The following C2CD2 variants were observed in gnomAD, a reference collection of about 807,000 sequenced individuals.
The protein encoded by C2CD2 is C2 domain-containing protein 2.
C2CD2 carries 43 observed loss-of-function variants against 74.3 expected under a neutral mutation model. The observed-to-expected ratio is 0.58, with a 90% confidence interval of 0.45 to 0.75. The LOEUF is 0.75. Among genes scored for constraint, C2CD2 ranks in the 30% least tolerant of loss-of-function variants. C2CD2 has a pLI of 0.00. For missense variants in C2CD2, 801 were observed against 916.3 expected (o/e 0.87, Z 1.63); for synonymous variants, 422 against 390.7 (o/e 1.08, Z -0.94).
chr21:41,941,536 C>T (rs905532372), intron 2 of C2CD2, among the ~76,000 whole-genome samples: 1 of 152,146 alleles, frequency 6.6e-6, no homozygotes. Flanking sequence ...AATATATGTA[C>T]ATAAATCTAG....
intron 7 of C2CD2, 92 bp from the exon 8 acceptor site, chr21:41,909,615 G>T: frequency 1.1e-6 from 1 of 900,606 alleles, no homozygotes; most frequent in Non-Finnish European, 1.9e-6. Flanking sequence ...TAGAAAGGAA[G>T]ACAAAGATGT....
chr21:41,934,505 C>G (rs1231815387), intron 2 of C2CD2, among the ~76,000 whole-genome samples: 1 of 152,220 alleles, frequency 6.6e-6, no homozygotes, highest in African/African-American at 2.4e-5. Context: ...ATGTGCTAGT[C>G]CACTTCCTAA....
intron 11 of C2CD2, among the ~76,000 whole-genome samples, chr21:41,905,457 A>T (rs2064949447): frequency 6.6e-6 from 1 of 152,120 alleles, no homozygotes; most frequent in Non-Finnish European, 1.5e-5. Context: ...AGCTGGGATT[A>T]CTGGCATGCG....
intron 8 of C2CD2, 123 bp downstream of exon 8, chr21:41,909,336 A>C: frequency 1.6e-6 from 1 of 620,858 alleles, no homozygotes; most frequent in Non-Finnish European, 2.9e-6. Context: ...GGAAAACCAA[A>C]GTCATTTAGA....
At chr21:41,921,819 C>A (rs948524951) in intron 3 of C2CD2, among the ~76,000 whole-genome samples, 153 bp downstream of exon 3, 2 of 151,984 alleles carry the variant, frequency 1.3e-5, no homozygotes, top group Non-Finnish European at 2.9e-5. Context: ...CATAGAAAAT[C>A]CTATATGAAA....
In C2CD2 at chr21:41,922,037, C is replaced by G; in HGVS notation, c.427G>C (p.Glu143Gln). 1 of 1,614,152 alleles carries G rather than the reference C, an allele frequency of 6.2e-7. No individual in the cohort carries two copies. Reference sequence around the variant, plus strand: ...CATCCAGCACCCAAGGCAGGCGTCTCGCTGACCAAGAACTGAATAGCCTGG... The same window carrying G: ...CATCCAGCACCCAAGGCAGGCGTCTGGCTGACCAAGAACTGAATAGCCTGG... ...VGQAIQFLVS[E>Q]TPALGAGCRL... The change falls in exon 3 of 14, where the codon GAG (glutamate) becomes CAG (glutamine). Residue 143 changes from glutamate (E) to glutamine (Q), a missense_variant. By Grantham distance (29) the Glu-to-Gln change is conservative. Transcript: ENST00000380486.
At chr21:41,946,834 T>C (rs2065401586) in intron 1 of C2CD2, among the ~76,000 whole-genome samples, 1 of 151,926 alleles carries the variant, frequency 6.6e-6, no homozygotes, top group South Asian at 2.1e-4. Flanking sequence ...GCTCCAACCA[T>C]ATGAAAATGC....
intron 4 of C2CD2, 47 bp downstream of exon 4, chr21:41,918,809 G>T: frequency 1.4e-6 from 2 of 1,417,770 alleles, no homozygotes; most frequent in Non-Finnish European, 2.0e-6. Flanking sequence ...CCTAACACAC[G>T]TGCGTTCTCA....
intron 2 of C2CD2, among the ~76,000 whole-genome samples, chr21:41,930,016 GAGC>G (rs1484798695): frequency 7.5e-6 from 1 of 133,866 alleles, no homozygotes; most frequent in Admixed American, 7.5e-5. Context: ...GGGAGGAAGC[GAGC>G]AGGTGAGGGT....
intron 1 of C2CD2, among the ~76,000 whole-genome samples, chr21:41,943,885 C>A (rs977966703): frequency 2.0e-5 from 3 of 152,218 alleles, no homozygotes; most frequent in Admixed American, 2.0e-4. Flanking sequence ...AGTTTCAGGG[C>A]TGCTCTGCTG....
chr21:41,919,201 C>T (rs1304345979), intron 3 of C2CD2, among the ~76,000 whole-genome samples: 1 of 152,066 alleles, frequency 6.6e-6, no homozygotes, highest in Non-Finnish European at 1.5e-5. Context: ...TGTGCATGTG[C>T]ATGTGTATTT....
chr21:41,934,032 G>A (rs748461171), intron 2 of C2CD2, among the ~76,000 whole-genome samples: 2 of 152,064 alleles, frequency 1.3e-5, no homozygotes, highest in Non-Finnish European at 2.9e-5. Context: ...GGCGGCAGCA[G>A]GAGATAGATG....
In C2CD2 at chr21:41,917,956, A is replaced by AC. The variant is rs981029986; in HGVS notation, c.720+148dup. On this transcript the variant is annotated intron_variant, in intron 5 of 13. Transcript: ENST00000380486. ...AAACCCAAGGCTTTATCCCACATCCACCATCATGATCTCCAGCAAGCACCC... is the reference window on the plus strand; with the variant it reads ...AAACCCAAGGCTTTATCCCACATCCACCCATCATGATCTCCAGCAAGCACCC... The AC allele has an allele frequency of 1.1e-5, 9 of 815,414 alleles. No individual in the cohort carries two copies. In the African/African-American group the frequency reaches 1.5e-4, roughly 14 times the overall value. 50.5% of individuals were successfully genotyped at this position (815,414 alleles called of 1,614,324 possible). A position where few individuals can be genotyped will look rare whatever the true frequency, so the allele number is the denominator to read the frequency against.
chr21:41,922,970 C>T (rs59966634), intron 2 of C2CD2, among the ~76,000 whole-genome samples: 2 of 151,040 alleles, frequency 1.3e-5, no homozygotes, highest in Non-Finnish European at 2.9e-5. Flanking sequence ...AGTTATCATG[C>T]GCTTTCCACA....
intron 10 of C2CD2, 137 bp downstream of exon 10, chr21:41,906,855 A>G (rs779847183): frequency 6.3e-6 from 4 of 634,468 alleles, no homozygotes; most frequent in Admixed American, 2.9e-5. Context: ...AGTGTGGCCA[A>G]TTAGCACCCT....
At chr21:41,920,753 T>C (rs1321533325) in intron 3 of C2CD2, among the ~76,000 whole-genome samples, 1 of 152,340 alleles carries the variant, frequency 6.6e-6, no homozygotes, top group Non-Finnish European at 1.5e-5. Flanking sequence ...AAAGATACAA[T>C]TGTGTTCCTT....
chr21:41,953,394 C>T lies in C2CD2; in HGVS notation c.255G>A (p.Leu85=). The change falls in exon 1 of 14, where the codon CTG becomes CTA. Residue 85 remains leucine (L), a synonymous_variant. Coordinates refer to ENST00000380486, the MANE Select transcript of C2CD2 (RefSeq NM_015500.2). The part of the protein sequence containing the change: ...SQWQAAWVTA[L]NEEAERKGGP... ...CCCCTTTCCTCTCGGCCTCCTCGTT[C>T]AGGGCGGTCACCCAGGCCGCCTGCC... 1.4e-6 allele frequency: 2 copies of T among 1,418,852 alleles called. No homozygotes were observed. The highest frequency in any genetic ancestry group is 1.8e-6 in the Non-Finnish European group (2 of 1,082,678). The allele number at this position is 1,418,852 out of a possible 1,614,324, so 87.9% of individuals were successfully genotyped here.
intron 12 of C2CD2, chr21:41,900,818 C>T (rs929379303): frequency 8.5e-5 from 13 of 152,328 alleles, no homozygotes; most frequent in Middle Eastern, 6.8e-3. Context: ...AAGTAAGGGC[C>T]GGGAGCAGTG....
chr21:41,947,127 T>TCC (rs2065405372), intron 1 of C2CD2, among the ~76,000 whole-genome samples: 4 of 102,954 alleles, frequency 3.9e-5, no homozygotes, highest in African/African-American at 8.1e-5. Flanking sequence ...TCTCTCTCTC[T>TCC]CTCTCTCTCT....
Sources: gnomAD v4.1 joint callset for allele counts (sites outside exome capture counted in the v4.1 genomes callset) on GRCh38, gnomAD v4.1.1 for gene constraint, MANE v1.5 for transcripts, NCBI Gene and HGNC (gene_info 2026-07-23, HGNC 2026-07-21) for gene names.